FOXN3: variants seen among roughly 807,000 people sequenced by gnomAD.
FOXN3 encodes the protein forkhead box N3, also known as forkhead box protein N3.
A neutral mutation model predicts 38.4 loss-of-function variants in FOXN3; 7 were observed. That is an observed-to-expected ratio of 0.18 (90% confidence interval 0.10 to 0.34). The LOEUF (loss-of-function observed/expected upper bound fraction) is 0.34. FOXN3 is among the 10% of genes least tolerant of loss of function. The pLI, the probability that FOXN3 is intolerant of heterozygous loss-of-function variation, is 1.00. For synonymous variants in FOXN3, 230 were observed against 242.2 expected (o/e 0.95, Z 0.47); for missense variants, 456 against 613.4 (o/e 0.74, Z 2.71).
Position 89,538,992 on chromosome 14 carries a change from C to T in FOXN3, c.-15+80036G>A, listed in dbSNP as rs554732109. ...CTAAGTAGCTGGGATTATAGGCGCC[C>T]GCCACCACGTCTGGCTAATTTTTGT... On this transcript the variant is annotated intron_variant, in intron 1 of 6. Transcript: ENST00000345097. 7.2e-4 allele frequency among the ~76,000 whole-genome samples: 109 copies of T among 151,880 alleles called. 1 individual carries two copies. The highest frequency in any genetic ancestry group is 1.1e-3 in the Non-Finnish European group (78 of 67,944).
At chr14:89,482,723 A>G (rs1157979173) in intron 1 of FOXN3, among the ~76,000 whole-genome samples, 1 of 151,562 alleles carries the variant, frequency 6.6e-6, no homozygotes, top group African/African-American at 2.4e-5. Flanking sequence ...AGCCTGGCCA[A>G]CATGGTGAAA....
intron 3 of FOXN3, chr14:89,291,496 C>T: frequency 1.7e-6 from 1 of 596,186 alleles, no homozygotes; most frequent in South Asian, 1.4e-5. Flanking sequence ...TCTTGCTTAC[C>T]CCGCCATCCC....
chr14:89,182,766 C>T (rs946764228), intron 4 of FOXN3, among the ~76,000 whole-genome samples: 3 of 151,942 alleles, frequency 2.0e-5, no homozygotes, highest in South Asian at 2.1e-4. Flanking sequence ...CTCATACTGG[C>T]GTAAGTCTAG....
In FOXN3 at chr14:89,606,826, C is replaced by A. The variant is rs1032895297; in HGVS notation, c.-15+12202G>T. Reference sequence around the variant, plus strand: ...TTGCACCACTGCACTCCAGCCTGGGCGACAATAGCGAGACTCTGTCTCAAA... The same window carrying A: ...TTGCACCACTGCACTCCAGCCTGGGAGACAATAGCGAGACTCTGTCTCAAA... On this transcript the variant is annotated intron_variant, in intron 1 of 6. Transcript: ENST00000345097. Among the ~76,000 whole-genome samples, 3 of 151,268 alleles carry A rather than the reference C, an allele frequency of 2.0e-5. No homozygotes were observed. The South Asian group carries it at 6.2e-4, about 32-fold the overall frequency.
chr14:89,506,486 C>T (rs1416548106), intron 1 of FOXN3, among the ~76,000 whole-genome samples: 3 of 147,740 alleles, frequency 2.0e-5, no homozygotes, highest in Non-Finnish European at 4.5e-5. Flanking sequence ...CCAGCCGCCC[C>T]GTCCGGGAGG....
chr14:89,484,720 CTA>C lies in FOXN3; in HGVS notation c.-14-72232_-14-72231del, dbSNP rs1390294293. Among the ~76,000 whole-genome samples, 1 of 152,146 alleles carries C rather than the reference CTA, an allele frequency of 6.6e-6. No homozygotes were observed. Among genetic ancestry groups the C allele is most frequent in the African/African-American group, 2.4e-5 (1 of 41,416 alleles). ...CTTCCTGGTGGCTGGTGATCCCAGG[CTA>C]TGATTCCAGAAGGCCCAAGCTTCTG... On this transcript the variant is annotated intron_variant, in intron 1 of 6. Transcript: ENST00000345097. This position sits in a 1 kb window ranked among gnomAD's most constrained non-coding sequence, Gnocchi z 4.0.
At chr14:89,303,508 AC>A (rs1887283522) in intron 3 of FOXN3, among the ~76,000 whole-genome samples, 1 of 114,822 alleles carries the variant, frequency 8.7e-6, no homozygotes, top group Non-Finnish European at 2.1e-5. Context: ...AAAAAAAAAA[AC>A]AAAAAAAAAA....
At chr14:89,398,635 G>A (rs897136498) in intron 2 of FOXN3, among the ~76,000 whole-genome samples, 1 of 152,046 alleles carries the variant, frequency 6.6e-6, no homozygotes, top group Non-Finnish European at 1.5e-5. Context: ...TATTCTGAGG[G>A]GACAGAGGGA....
At chr14:89,360,421 A>AGAGAGGGAGGAAGGGAGGAGGGAAAGGAT (rs1889429382) in intron 2 of FOXN3, among the ~76,000 whole-genome samples, 1 of 148,688 alleles carries the variant, frequency 6.7e-6, no homozygotes, top group African/African-American at 2.5e-5. Context: ...AGAGGTAAAA[A>AGAGAGGGAGGAAGGGAGGAGGGAAAGGAT]GAGAGGGAGG....
At chr14:89,618,548 A>T (rs573144231) in intron 1 of FOXN3, among the ~76,000 whole-genome samples, 1 of 151,594 alleles carries the variant, frequency 6.6e-6, no homozygotes, top group Non-Finnish European at 1.5e-5. Context: ...ATAGCCAAAC[A>T]GTTGCGACAG....
chr14:89,407,592 G>A (rs1891428217), intron 2 of FOXN3, among the ~76,000 whole-genome samples: 1 of 152,188 alleles, frequency 6.6e-6, no homozygotes, highest in Admixed American at 6.5e-5. Context: ...AGCACTGTGG[G>A]AGGCTGGGGC....
chr14:89,174,245 C>T (rs1010434865), intron 5 of FOXN3, among the ~76,000 whole-genome samples: 3 of 152,142 alleles, frequency 2.0e-5, no homozygotes, highest in Non-Finnish European at 4.4e-5. Context: ...TCTACCTGTG[C>T]CTCGGCTGTA....
intron 1 of FOXN3, among the ~76,000 whole-genome samples, chr14:89,414,627 C>A (rs1954523547): frequency 6.7e-6 from 1 of 150,344 alleles, no homozygotes; most frequent in Non-Finnish European, 1.5e-5. Flanking sequence ...AAAATCCGCT[C>A]ACTGCAACCC....
At chr14:89,426,828 G>GA (rs1234351443) in intron 1 of FOXN3, among the ~76,000 whole-genome samples, 1 of 152,184 alleles carries the variant, frequency 6.6e-6, no homozygotes, top group African/African-American at 2.4e-5. Flanking sequence ...CCCACACAGT[G>GA]AGTTTGGGAA....
intron 1 of FOXN3, among the ~76,000 whole-genome samples, chr14:89,454,376 T>C (rs1449094691): frequency 6.6e-6 from 1 of 152,166 alleles, no homozygotes; most frequent in African/African-American, 2.4e-5. Context: ...GGAAGCAAAA[T>C]GGCCAGCACT....
intron 1 of FOXN3, among the ~76,000 whole-genome samples, chr14:89,470,172 C>T (rs865941297): frequency 9.9e-5 from 15 of 152,192 alleles, no homozygotes; most frequent in African/African-American, 3.6e-4. Flanking sequence ...GCTGGAAGCT[C>T]AGTCCTACTT....
At chr14:89,408,297 G>C (rs372274072) in intron 2 of FOXN3, among the ~76,000 whole-genome samples, 4 of 151,522 alleles carry the variant, frequency 2.6e-5, no homozygotes, top group African/African-American at 9.7e-5. Flanking sequence ...TTTGAGACAG[G>C]GTCTGGCTCT....
upstream of FOXN3, chr14:89,417,908 A>T (rs141440440): frequency 1.9e-3 from 693 of 357,592 alleles, 3 homozygotes; most frequent in African/African-American, 0.013. Flanking sequence ...GGGCCTCTCA[A>T]GTGGGTTGTG....
intron 3 of FOXN3, among the ~76,000 whole-genome samples, chr14:89,307,817 A>G (rs1312510307): frequency 6.6e-6 from 1 of 152,240 alleles, no homozygotes; most frequent in Non-Finnish European, 1.5e-5. Context: ...ACTCATAAGT[A>G]AATCCTATAG....
Sources: allele counts gnomAD v4.1 joint callset (sites outside exome capture counted in the v4.1 genomes callset), GRCh38; gene constraint gnomAD v4.1.1; non-coding constraint Gnocchi (gnomAD v3.1); transcripts MANE v1.5; gene names NCBI Gene and HGNC (gene_info 2026-07-23, HGNC 2026-07-21).